The following CEP63 variants were observed in gnomAD, a reference collection of about 807,000 sequenced individuals.
CEP63 encodes the protein centrosomal protein of 63 kDa.
In CEP63, 84 loss-of-function variants were observed where a neutral mutation model predicts 89.1. The ratio of observed to expected loss-of-function variants is 0.94; its 90% CI spans 0.79 to 1.13. The LOEUF (loss-of-function observed/expected upper bound fraction) is 1.13, where lower values mean the gene tolerates loss of function less well. Ranked by LOEUF, CEP63 falls within the 50% of genes most tolerant of loss-of-function variation. CEP63 has a pLI of 0.00. For missense variants in CEP63, 838 were observed against 813.3 expected (o/e 1.03, Z -0.37); for synonymous variants, 267 against 272.5 (o/e 0.98, Z 0.20).
In CEP63 at chr3:134,580,447, C is replaced by T. The variant is rs371922047; in HGVS notation, c.1207-7011C>T. On this transcript the variant is annotated intron_variant, in intron 10 of 10. Transcript: ENST00000683931. The stretch of plus-strand genomic sequence containing the variant: ...AGTGAATTTTATGATCTAAAATTTA[C>T]ATCCCAATAAAGCTGTTTAAAAACA... Among the ~76,000 whole-genome samples, 95 of 134,666 alleles carry T rather than the reference C, an allele frequency of 7.1e-4. No homozygotes were observed. In the South Asian group the frequency reaches 0.015, roughly 21 times the overall value. The allele number at this position is 134,666 out of a possible 152,430, so 88.3% of individuals were successfully genotyped here.
intron 11 of CEP63, among the ~76,000 whole-genome samples, chr3:134,570,490 G>T (rs1430033801): frequency 6.6e-6 from 1 of 152,180 alleles, no homozygotes; most frequent in Non-Finnish European, 1.5e-5. Flanking sequence ...CATAGCAAGA[G>T]CCACCTTTGC....
chr3:134,723,064 G>T, the CEP63 span, among the ~76,000 whole-genome samples: 151 of 152,290 alleles, frequency 9.9e-4, no homozygotes, highest in Middle Eastern at 0.014. Flanking sequence ...AAGCTGTGTT[G>T]TCTGTGGCAC....
chr3:134,727,140 C>A, the CEP63 span, among the ~76,000 whole-genome samples: 2 of 152,040 alleles, frequency 1.3e-5, no homozygotes, highest in African/African-American at 4.8e-5. Context: ...AATATTGCCA[C>A]CATCTTGGAG....
At chr3:134,620,082 G>A in the CEP63 span, 2 of 152,244 alleles carry the variant, frequency 1.3e-5, no homozygotes, top group South Asian at 2.1e-4. Flanking sequence ...AGTCCACCTC[G>A]TGATCTGGCC....
At chr3:134,732,324 A>C in the CEP63 span, among the ~76,000 whole-genome samples, 2 of 152,230 alleles carry the variant, frequency 1.3e-5, no homozygotes, top group African/African-American at 4.8e-5. Context: ...TAAGTAGAAG[A>C]AGCTAATAAC....
At chr3:134,519,380 C>T (rs373947678) in intron 3 of CEP63, among the ~76,000 whole-genome samples, 85 of 151,912 alleles carry the variant, frequency 5.6e-4, no homozygotes, top group African/African-American at 1.8e-3. Context: ...GTGATCTGCC[C>T]GCCTCAGCCA....
rs143028883 is a variant in CEP63, at chr3:134,539,275, A to ATT, written c.555+2011_555+2012dup. On this transcript the variant is annotated intron_variant, in intron 6 of 14. Transcript: ENST00000675561. ...ACACATAAAATGTTCCACCTTAACC[A>ATT]TTTTTAAATGTATAGTATAGTAATG... Among the ~76,000 whole-genome samples the ATT allele has an allele frequency of 6.3e-3, 957 of 152,232 alleles. 22 individuals are homozygous for ATT. The South Asian group carries it at 0.074, about 12-fold the overall frequency.
intron 1 of CEP63, among the ~76,000 whole-genome samples, chr3:134,487,173 C>T (rs891245138): frequency 7.2e-5 from 11 of 152,094 alleles, no homozygotes; most frequent in Admixed American, 2.0e-4. Flanking sequence ...TTTTTAGATA[C>T]GAGGAAATCA....
At chr3:134,610,182 G>GAC in the CEP63 span, 1 of 1,609,000 alleles carries the variant, frequency 6.2e-7, no homozygotes, top group Non-Finnish European at 8.5e-7. Context: ...GCAGAACTGA[G>GAC]ACAAGTACTT....
chr3:134,490,824 A>C (rs563885641), intron 1 of CEP63, among the ~76,000 whole-genome samples: 1 of 152,218 alleles, frequency 6.6e-6, no homozygotes, highest in African/African-American at 2.4e-5. Flanking sequence ...TCTTAGGTAA[A>C]ATGTGCTATT....
the CEP63 span, among the ~76,000 whole-genome samples, chr3:134,714,600 T>C: frequency 6.6e-6 from 1 of 152,242 alleles, no homozygotes; most frequent in South Asian, 2.1e-4. Context: ...AAGTCAAGGC[T>C]GGGCATTTCT....
intron 11 of CEP63, among the ~76,000 whole-genome samples, chr3:134,572,776 A>G (rs1386632464): frequency 6.6e-6 from 1 of 152,172 alleles, no homozygotes; most frequent in Non-Finnish European, 1.5e-5. Context: ...ATACCTAGTA[A>G]TGGAATTGCT....
chr3:134,578,831 T>A (rs761969974), downstream of CEP63, among the ~76,000 whole-genome samples: 12 of 152,256 alleles, frequency 7.9e-5, no homozygotes, highest in Non-Finnish European at 1.5e-4. Context: ...ATGGGTAGAT[T>A]GCAAAAATTT....
At chr3:134,658,897 C>G in the CEP63 span, among the ~76,000 whole-genome samples, 177 of 152,330 alleles carry the variant, frequency 1.2e-3, no homozygotes, top group African/African-American at 4.1e-3. Context: ...TCATTCTTAA[C>G]CTTTCTGGTA....
chr3:134,624,904 C>T, the CEP63 span: 1 of 697,474 alleles, frequency 1.4e-6, no homozygotes, highest in East Asian at 2.7e-5. Context: ...GCCTTCTGTC[C>T]CCACCCATAT....
the CEP63 span, among the ~76,000 whole-genome samples, chr3:134,757,071 G>GTT: frequency 3.9e-5 from 6 of 152,120 alleles, no homozygotes; most frequent in African/African-American, 1.4e-4. Context: ...AGACCACCAT[G>GTT]TTCCCATGGA....
At chr3:134,700,017 C>T in the CEP63 span, among the ~76,000 whole-genome samples, 1 of 152,254 alleles carries the variant, frequency 6.6e-6, no homozygotes, top group Non-Finnish European at 1.5e-5. Context: ...TTTCAGGGGT[C>T]CGCTCTGAAC....
chr3:134,778,840 G>T, the CEP63 span, among the ~76,000 whole-genome samples: 1 of 152,186 alleles, frequency 6.6e-6, no homozygotes, highest in Non-Finnish European at 1.5e-5. Flanking sequence ...GATTACAGGC[G>T]TGAGCCACCG....
the CEP63 span, among the ~76,000 whole-genome samples, chr3:134,704,597 C>T: frequency 6.6e-6 from 1 of 152,232 alleles, no homozygotes; most frequent in Non-Finnish European, 1.5e-5. Context: ...CCAGCCCTGT[C>T]CATGGGGAGA....
Sources: allele counts gnomAD v4.1 joint callset (sites outside exome capture counted in the v4.1 genomes callset), GRCh38; gene constraint gnomAD v4.1.1; transcripts MANE v1.5; gene names NCBI Gene and HGNC (gene_info 2026-07-23, HGNC 2026-07-21).